The following ARL6IP6 variants were observed in gnomAD, a reference collection of about 807,000 sequenced individuals.
ARL6IP6 encodes the protein ADP-ribosylation factor-like protein 6-interacting protein 6.
A neutral mutation model predicts 21.5 loss-of-function variants in ARL6IP6; 22 were observed. The ratio of observed to expected loss-of-function variants is 1.02; its 90% confidence interval spans 0.73 to 1.46. The LOEUF is 1.46. ARL6IP6 is among the 40% of genes most tolerant of loss of function. The pLI is 0.00. For missense variants in ARL6IP6, 388 were observed against 299.8 expected, an observed-to-expected ratio of 1.29 and a Z score of -2.17; for synonymous variants, 164 against 125.3, an observed-to-expected ratio of 1.31 and a Z score of -2.06.
At chr2:152,743,168 C>G (rs979499842) in intron 3 of ARL6IP6, among the ~76,000 whole-genome samples, 1 of 152,068 alleles carries the variant, frequency 6.6e-6, no homozygotes, top group South Asian at 2.1e-4. Flanking sequence ...CTGCACTCCA[C>G]GGTTCACATC....
At chr2:152,746,821 CTTTTTTTT>C (rs61506535) in intron 3 of ARL6IP6, among the ~76,000 whole-genome samples, 28 of 33,082 alleles carry the variant, frequency 8.5e-4, no homozygotes, top group Admixed American at 6.9e-3. Flanking sequence ...TTTATCCTTT[CTTTTTTTT>C]TTTTTTTTTT....
intron 3 of ARL6IP6, among the ~76,000 whole-genome samples, chr2:152,751,589 C>A (rs1701334399): frequency 1.3e-5 from 2 of 152,118 alleles, no homozygotes; most frequent in African/African-American, 4.8e-5. Flanking sequence ...TCTATGAGCT[C>A]ATTTTTTTTA....
intron 1 of ARL6IP6, chr2:152,719,889 G>A (rs1559220151): frequency 2.1e-6 from 1 of 469,070 alleles, no homozygotes; most frequent in East Asian, 7.0e-5. Flanking sequence ...TGTCCTCATT[G>A]CTTCCCAGCG....
In ARL6IP6 at chr2:152,760,754, A is replaced by T. The variant is rs1701804460; in HGVS notation, c.*914A>T. On this transcript the variant is annotated 3_prime_UTR_variant, in exon 4 of 4. Transcript: ENST00000326446. ...GCATTATTTTGTTTTTAATAAATAT[A>T]AACATGAAATTTTTGTATGTGAGAA... The T allele has an allele frequency of 6.6e-6, 1 of 152,058 alleles. No individual in the cohort carries two copies. Among genetic ancestry groups the T allele is most frequent in the African/African-American group, 2.4e-5 (1 of 41,436 alleles). The allele number at this position is 152,058 out of a possible 1,614,324, so 9.4% of individuals were successfully genotyped here.
At chr2:152,735,728 G>A (rs573675841) in intron 3 of ARL6IP6, among the ~76,000 whole-genome samples, 3 of 152,154 alleles carry the variant, frequency 2.0e-5, no homozygotes, top group South Asian at 2.1e-4. Flanking sequence ...TATAAATTCC[G>A]AAATAAGAAC....
chr2:152,744,223 A>G (rs1414338382), intron 3 of ARL6IP6, among the ~76,000 whole-genome samples: 1 of 152,160 alleles, frequency 6.6e-6, no homozygotes, highest in East Asian at 1.9e-4. Flanking sequence ...AGTCATTTTG[A>G]ATTACCAGAA....
intron 2 of ARL6IP6, among the ~76,000 whole-genome samples, chr2:152,721,043 G>A (rs1173878458): frequency 6.6e-6 from 1 of 152,140 alleles, no homozygotes; most frequent in Non-Finnish European, 1.5e-5. Context: ...GCAGTGAACC[G>A]TGATAGTTAC....
chr2:152,739,361 C>G (rs920762151), intron 3 of ARL6IP6, among the ~76,000 whole-genome samples: 1 of 152,104 alleles, frequency 6.6e-6, no homozygotes, highest in Non-Finnish European at 1.5e-5. Context: ...CACCAGATAC[C>G]CTAAATCATC....
Position 152,734,995 on chromosome 2 carries a change from A to C in ARL6IP6, c.456A>C (p.Gly152=). Residue 152 remains glycine, a splice_region_variant and synonymous_variant, in exon 3 of 4, where the codon GGA becomes GGC. Transcript: ENST00000326446. ...TTTCCCCTCTCTTTTCCTGTTAAGG[A>C]TTCTGGACTCTACTTATAATATCCC... ...NEDDVDTGLL[G]FWTLLIISLT... 1 of 1,612,392 alleles carries C rather than the reference A, an allele frequency of 6.2e-7. No individual in the cohort carries two copies. The highest frequency in any genetic ancestry group is 1.3e-5 in the African/African-American group (1 of 74,958).
chr2:152,727,642 T>A (rs1700105469), intron 2 of ARL6IP6, among the ~76,000 whole-genome samples: 2 of 152,230 alleles, frequency 1.3e-5, no homozygotes, highest in Non-Finnish European at 2.9e-5. Flanking sequence ...GTACCTTTTC[T>A]ATATTTAAGT....
chr2:152,746,491 C>T (rs1446594586), intron 3 of ARL6IP6, among the ~76,000 whole-genome samples: 1 of 152,182 alleles, frequency 6.6e-6, no homozygotes, highest in East Asian at 1.9e-4. Flanking sequence ...TTACCAGAGG[C>T]AGCCTGATAT....
Position 152,720,525 on chromosome 2 carries a change from A to G in ARL6IP6, c.401-8A>G, listed in dbSNP as rs75855930. The G allele has an allele frequency of 2.8e-3, 4,537 of 1,613,046 alleles. 136 individuals are homozygous for G. In the African/African-American group the frequency reaches 0.054, roughly 19 times the overall value. The stretch of plus-strand genomic sequence containing the variant: ...CTTTCCTACCTAAGTCCCTCTTTGT[A>G]TTTGCAGAGTTGCATGCTGAGAATT... On this transcript the variant is annotated splice_region_variant and splice_polypyrimidine_tract_variant and intron_variant, in intron 1 of 3. Transcript: ENST00000326446.
chr2:152,742,474 A>C (rs1202171618), intron 3 of ARL6IP6, among the ~76,000 whole-genome samples: 3 of 151,784 alleles, frequency 2.0e-5, no homozygotes, highest in African/African-American at 7.2e-5. Flanking sequence ...AGGCTGAGGC[A>C]GAAGGATTGT....
At chr2:152,746,938 G>A (rs1701084617) in intron 3 of ARL6IP6, among the ~76,000 whole-genome samples, 1 of 141,036 alleles carries the variant, frequency 7.1e-6, no homozygotes, top group Admixed American at 7.7e-5. Flanking sequence ...CAACCCTCCT[G>A]CCTCCGCCTC....
chr2:152,726,747 G>A (rs1259938505), intron 2 of ARL6IP6, among the ~76,000 whole-genome samples: 1 of 152,174 alleles, frequency 6.6e-6, no homozygotes, highest in Non-Finnish European at 1.5e-5. Context: ...ATATATGCCT[G>A]TATGATGGTG....
intron 2 of ARL6IP6, among the ~76,000 whole-genome samples, chr2:152,726,110 T>C (rs1467846581): frequency 1.3e-5 from 2 of 152,168 alleles, no homozygotes; most frequent in Non-Finnish European, 2.9e-5. Context: ...CTCAACTTTT[T>C]CCTGTGTTTG....
At chr2:152,738,597 G>T (rs1167667553) in intron 3 of ARL6IP6, among the ~76,000 whole-genome samples, 1 of 152,148 alleles carries the variant, frequency 6.6e-6, no homozygotes, top group African/African-American at 2.4e-5. Flanking sequence ...CAAGGCTTGG[G>T]GTTTGCACCC....
In ARL6IP6 at chr2:152,718,928, C is replaced by G. The variant is rs747111790; in HGVS notation, c.304C>G (p.Arg102Gly). ...PAAAGSRAQP[R>G]RWPVQVLSIL... The stretch of plus-strand genomic sequence containing the variant: ...GGCCGCGGGCAGCAGAGCCCAGCCT[C>G]GGCGGTGGCCGGTCCAGGTCCTCTC... The change falls in exon 1 of 4, where the codon CGG becomes GGG. Residue 102 changes from arginine (R) to glycine (G), a missense_variant. Transcript: ENST00000326446. The G allele has an allele frequency of 1.1e-5, 17 of 1,613,660 alleles. No individual in the cohort carries two copies. The highest frequency in any genetic ancestry group is 1.4e-5 in the Non-Finnish European group (16 of 1,179,850).
At chr2:152,745,493 G>C (rs1176459213) in intron 3 of ARL6IP6, among the ~76,000 whole-genome samples, 1 of 152,102 alleles carries the variant, frequency 6.6e-6, no homozygotes, top group African/African-American at 2.4e-5. Context: ...AAGCCTTGGA[G>C]GTCAAAAACA....
Sources: gnomAD v4.1 joint callset for allele counts (sites outside exome capture counted in the v4.1 genomes callset) on GRCh38, gnomAD v4.1.1 for gene constraint, MANE v1.5 for transcripts, NCBI Gene and HGNC (gene_info 2026-07-23, HGNC 2026-07-21) for gene names.